Variants in PHF14 observed in about 807,000 individuals in gnomAD.
PHF14 encodes PHD finger protein 14.
PHF14 carries 55 observed loss-of-function variants against 117.9 expected under a neutral mutation model. The observed-to-expected ratio is 0.47, with a 90% CI of 0.38 to 0.58. The LOEUF (loss-of-function observed/expected upper bound fraction) is 0.58, where lower values mean the gene tolerates loss of function less well. Ranked by LOEUF, PHF14 falls within the 20% of genes least tolerant of loss-of-function variation. The pLI is 0.00. For synonymous variants in PHF14, 409 were observed against 368.6 expected (o/e 1.11, Z -1.26); for missense variants, 978 against 1,122.2 (o/e 0.87, Z 1.84).
chr7:11,014,375 A>G (rs1315542816), intron 5 of PHF14, among the ~76,000 whole-genome samples: 1 of 152,136 alleles, frequency 6.6e-6, no homozygotes, highest in African/African-American at 2.4e-5. Flanking sequence ...GTATAAAAAA[A>G]CTCTAAAGGA....
chr7:11,100,398 A>G (rs1036236042), intron 16 of PHF14, among the ~76,000 whole-genome samples: 4 of 152,040 alleles, frequency 2.6e-5, no homozygotes, highest in Admixed American at 1.3e-4. Flanking sequence ...AGTTCTTACA[A>G]CAGTCCTATG....
At chr7:11,046,029 A>G (rs968403303) in intron 13 of PHF14, among the ~76,000 whole-genome samples, 1 of 152,216 alleles carries the variant, frequency 6.6e-6, no homozygotes, top group Non-Finnish European at 1.5e-5. Context: ...GTGAAAAGCT[A>G]GTAAAGAATA....
chr7:11,116,200 C>A (rs1787597418), intron 17 of PHF14, among the ~76,000 whole-genome samples: 1 of 151,972 alleles, frequency 6.6e-6, no homozygotes, highest in Non-Finnish European at 1.5e-5. Flanking sequence ...TGACATGATT[C>A]CGCCAATCTT....
intron 16 of PHF14, chr7:11,103,563 G>A: frequency 1.1e-5 from 11 of 984,892 alleles, no homozygotes; most frequent in African/African-American, 1.7e-5. Context: ...ATTTAGAAGA[G>A]ACTCTTTGCT....
chr7:10,975,346 G>A (rs1238270292), intron 2 of PHF14, among the ~76,000 whole-genome samples: 1 of 152,074 alleles, frequency 6.6e-6, no homozygotes, highest in African/African-American at 2.4e-5. Context: ...AATCTCTTAG[G>A]GGAGTTTTGC....
intron 4 of PHF14, among the ~76,000 whole-genome samples, chr7:11,009,265 G>A (rs1783252778): frequency 6.6e-6 from 1 of 152,184 alleles, no homozygotes; most frequent in African/African-American, 2.4e-5. Context: ...GAAGATGGAA[G>A]ACTGAAAGTC....
In PHF14 at chr7:11,119,568, A is replaced by G. The variant is rs534686410; in HGVS notation, c.2772+8101A>G. On this transcript the variant is annotated intron_variant, in intron 17 of 17. Coordinates refer to ENST00000634607, the MANE Select transcript of PHF14 (RefSeq NM_001007157.2). Reference sequence around the variant, plus strand: ...CAATTGTGAAAATATCGCCTAAATAATAGAAAAGGCTTAAATCCTGGCTTC... The same window carrying G: ...CAATTGTGAAAATATCGCCTAAATAGTAGAAAAGGCTTAAATCCTGGCTTC... Among the ~76,000 whole-genome samples, 43 of 152,012 alleles carry G rather than the reference A, an allele frequency of 2.8e-4. 1 individual carries two copies. Among genetic ancestry groups the G allele is most frequent in the Middle Eastern group, 6.8e-3 (2 of 294 alleles).
chr7:11,011,501 G>A (rs1204981784), intron 4 of PHF14, among the ~76,000 whole-genome samples: 1 of 151,740 alleles, frequency 6.6e-6, no homozygotes, highest in Non-Finnish European at 1.5e-5. Context: ...TGTTACTTTG[G>A]ATGCCCCTTA....
chr7:11,064,462 G>A (rs1387250823), intron 16 of PHF14, among the ~76,000 whole-genome samples: 1 of 151,666 alleles, frequency 6.6e-6, no homozygotes, highest in African/African-American at 2.4e-5. Context: ...TGTCTGTTAG[G>A]TTCTCTTTTA....
At chr7:11,131,707 C>A (rs957752074) in intron 17 of PHF14, among the ~76,000 whole-genome samples, 4 of 151,644 alleles carry the variant, frequency 2.6e-5, no homozygotes, top group Non-Finnish European at 5.9e-5. Flanking sequence ...TTTGTGGTCA[C>A]CTAGATTTTC....
At chr7:11,146,422 A>T (rs1349541936) in intron 17 of PHF14, among the ~76,000 whole-genome samples, 1 of 152,142 alleles carries the variant, frequency 6.6e-6, no homozygotes, top group Non-Finnish European at 1.5e-5. Context: ...ACTATGGCAA[A>T]ATTTCTAAAT....
intron 17 of PHF14, among the ~76,000 whole-genome samples, chr7:11,125,199 C>T (rs779673827): frequency 1.3e-4 from 20 of 151,998 alleles, no homozygotes; most frequent in Admixed American, 2.6e-4. Context: ...ACACTAAGCA[C>T]TGTATTTTAC....
At chr7:11,135,059 CA>C (rs1788181943) in intron 17 of PHF14, among the ~76,000 whole-genome samples, 1 of 152,070 alleles carries the variant, frequency 6.6e-6, no homozygotes, top group South Asian at 2.1e-4. Flanking sequence ...GCATCTGTTA[CA>C]AAATGTTTCC....
intron 14 of PHF14, among the ~76,000 whole-genome samples, chr7:11,053,613 GTTTC>G (rs1415610868): frequency 1.3e-5 from 2 of 151,998 alleles, no homozygotes; most frequent in South Asian, 2.1e-4. Flanking sequence ...TATTTTTCCA[GTTTC>G]TTTATTGTTT....
At chr7:11,069,709 T>G (rs984858092) in intron 16 of PHF14, among the ~76,000 whole-genome samples, 13 of 143,394 alleles carry the variant, frequency 9.1e-5, no homozygotes, top group African/African-American at 1.8e-4. Context: ...TTCTTTCTTG[T>G]CTTTCCTTTT....
intron 17 of PHF14, among the ~76,000 whole-genome samples, chr7:11,168,270 T>C (rs896541312): frequency 2.0e-5 from 3 of 152,180 alleles, no homozygotes; most frequent in African/African-American, 4.8e-5. Context: ...TGGTTGATAA[T>C]ATTGATAATT....
intron 17 of PHF14, among the ~76,000 whole-genome samples, chr7:11,115,453 AACGTCAC>A (rs1440132618): frequency 6.6e-6 from 1 of 152,048 alleles, no homozygotes; most frequent in Non-Finnish European, 1.5e-5. Context: ...AGGTACATAA[AACGTCAC>A]ACATACATAT....
intron 4 of PHF14, among the ~76,000 whole-genome samples, chr7:10,995,255 G>A (rs1282978718): frequency 1.3e-5 from 2 of 151,622 alleles, no homozygotes. Context: ...GTGCTGATTG[G>A]TATATTTACA....
chr7:11,062,158 G>GA (rs1785248861), intron 16 of PHF14, 73 bp downstream of exon 16: 2 of 1,293,848 alleles, frequency 1.5e-6, no homozygotes, highest in Non-Finnish European at 2.1e-6. Context: ...CAGAAAAAAT[G>GA]AAAAAACAAT....
Sources: gnomAD v4.1 joint callset for allele counts (sites outside exome capture counted in the v4.1 genomes callset) on GRCh38, gnomAD v4.1.1 for gene constraint, MANE v1.5 for transcripts, NCBI Gene and HGNC (gene_info 2026-07-23, HGNC 2026-07-21) for gene names.